Variants in GRIP2 observed in about 807,000 individuals in gnomAD.
GRIP2 encodes glutamate receptor-interacting protein 2.
GRIP2 carries 58 observed loss-of-function variants against 108.3 expected under a neutral mutation model. That is an observed-to-expected ratio of 0.54 (90% CI 0.43 to 0.67). The LOEUF is 0.67. Ranked by LOEUF, GRIP2 falls within the 30% of genes least tolerant of loss-of-function variation. The pLI, the probability that GRIP2 is intolerant of heterozygous loss-of-function variation, is 0.00. For synonymous variants in GRIP2, 586 were observed against 598.2 expected (o/e 0.98, Z 0.30); for missense variants, 1,278 against 1,430.6 (o/e 0.89, Z 1.72).
chr3:14,516,006 T>A (rs1290036485), intron 11 of GRIP2, among the ~76,000 whole-genome samples: 22 of 152,134 alleles, frequency 1.4e-4, no homozygotes, highest in Admixed American at 1.4e-3. Flanking sequence ...TTAATTATAA[T>A]TAATTAATAA....
chr3:14,496,154 A>T (rs1693593946), intron 22 of GRIP2, among the ~76,000 whole-genome samples: 1 of 152,194 alleles, frequency 6.6e-6, no homozygotes, highest in African/African-American at 2.4e-5. Flanking sequence ...CAAAAAAATA[A>T]ATACATAGAT....
At chr3:14,497,155 C>T (rs889638437) in intron 21 of GRIP2, among the ~76,000 whole-genome samples, 13 of 151,920 alleles carry the variant, frequency 8.6e-5, no homozygotes, top group African/African-American at 1.2e-4. Context: ...TTAGTACAGA[C>T]GAGGTTTCTC....
chr3:14,553,362 C>T (rs571049255), intron 1 of GRIP2, among the ~76,000 whole-genome samples: 11 of 152,170 alleles, frequency 7.2e-5, no homozygotes, highest in Non-Finnish European at 1.3e-4. Context: ...CCGCCCACCT[C>T]GGTCTCCCAA....
intron 1 of GRIP2, among the ~76,000 whole-genome samples, chr3:14,539,944 G>A (rs1250806256): frequency 6.6e-6 from 1 of 152,114 alleles, no homozygotes; most frequent in African/African-American, 2.4e-5. Flanking sequence ...CCTGAGATTG[G>A]GCAAAAGGCT....
intron 19 of GRIP2, 27 bp downstream of exon 19, chr3:14,506,774 A>G: frequency 6.4e-7 from 1 of 1,554,748 alleles, no homozygotes; most frequent in Non-Finnish European, 8.7e-7. Flanking sequence ...AGAGCGTGCC[A>G]CTTGTCCAAG....
chr3:14,537,510 A>C (rs1694861292), intron 1 of GRIP2, among the ~76,000 whole-genome samples: 1 of 152,268 alleles, frequency 6.6e-6, no homozygotes, highest in Admixed American at 6.5e-5. Flanking sequence ...GGCATGTAGT[A>C]CATGCTCAGC....
At chr3:14,537,763 C>T (rs1694868319) in intron 1 of GRIP2, among the ~76,000 whole-genome samples, 1 of 152,198 alleles carries the variant, frequency 6.6e-6, no homozygotes, top group Non-Finnish European at 1.5e-5. Context: ...CAGGGCACAG[C>T]AGGGGGACCT....
At chr3:14,551,875 C>A (rs1695155268) in intron 1 of GRIP2, among the ~76,000 whole-genome samples, 1 of 152,076 alleles carries the variant, frequency 6.6e-6, no homozygotes, top group Non-Finnish European at 1.5e-5. Flanking sequence ...TCCTCAACTG[C>A]AAATGGGGCA....
At chr3:14,556,818 G>A (rs549670466), upstream of GRIP2, among the ~76,000 whole-genome samples, 1 of 152,206 alleles carries the variant, frequency 6.6e-6, no homozygotes, top group African/African-American at 2.4e-5. Context: ...GGGCAGTGTT[G>A]CCCTAGGGGA....
chr3:14,583,416 C>T, the GRIP2 span, among the ~76,000 whole-genome samples: 1 of 152,184 alleles, frequency 6.6e-6, no homozygotes, highest in Non-Finnish European at 1.5e-5. Flanking sequence ...ACCCTTTTGA[C>T]AGCAACCTTG....
At chr3:14,509,198 C>A (rs981854090) in intron 17 of GRIP2, among the ~76,000 whole-genome samples, 3 of 152,230 alleles carry the variant, frequency 2.0e-5, no homozygotes, top group Non-Finnish European at 2.9e-5. Context: ...CCCCTGCAGC[C>A]CCCACCAGGC....
chr3:14,573,160 C>T, the GRIP2 span: 32 of 1,437,080 alleles, frequency 2.2e-5, no homozygotes, highest in South Asian at 3.3e-4. Flanking sequence ...AGCACCACAG[C>T]CAGCAGCTTG....
intron 1 of GRIP2, among the ~76,000 whole-genome samples, chr3:14,536,778 C>A (rs1201549456): frequency 6.6e-6 from 1 of 152,236 alleles, no homozygotes; most frequent in Non-Finnish European, 1.5e-5. Context: ...GGGTCACCCA[C>A]AGAACCATTC....
chr3:14,553,919 C>T (rs538673301), intron 1 of GRIP2, among the ~76,000 whole-genome samples: 3 of 152,278 alleles, frequency 2.0e-5, no homozygotes, highest in East Asian at 3.9e-4. Flanking sequence ...GAGCCTGGCT[C>T]AAGTCTCCGC....
At position 14,495,000 on chromosome 3, in the gene GRIP2, AAGG is replaced by A. The variant is rs199919317; in HGVS notation, c.2824-14_2824-12del. 2,012 of 1,550,558 alleles carry A rather than the reference AAGG, an allele frequency of 1.3e-3. 33 individuals carry two copies. In the Admixed American group the frequency reaches 0.031, roughly 24 times the overall value. Reference sequence around the variant, plus strand: ...CTTGTGCAGGGTCACCTGGAAGCAGAAGGAGGAGGAGGTTCCTGGAACTCTGAC... The same window carrying A: ...CTTGTGCAGGGTCACCTGGAAGCAGAAGGAGGAGGTTCCTGGAACTCTGAC... On this transcript the variant is annotated splice_polypyrimidine_tract_variant and intron_variant, in intron 22 of 23. Transcript: ENST00000621039.
chr3:14,514,102 G>A (rs1024822008), intron 12 of GRIP2, among the ~76,000 whole-genome samples, 190 bp downstream of exon 12: 3 of 152,268 alleles, frequency 2.0e-5, no homozygotes, highest in African/African-American at 4.8e-5. Flanking sequence ...GATTCCATGG[G>A]TGAGCTGTGT....
chr3:14,494,575 G>T (rs1359196496), intron 23 of GRIP2, among the ~76,000 whole-genome samples: 1 of 152,212 alleles, frequency 6.6e-6, no homozygotes, highest in Non-Finnish European at 1.5e-5. Flanking sequence ...GTCTCAGAGG[G>T]TCAATTCCAA....
chr3:14,552,863 G>T (rs1487205902), intron 1 of GRIP2, among the ~76,000 whole-genome samples: 1 of 151,974 alleles, frequency 6.6e-6, no homozygotes, highest in East Asian at 1.9e-4. Flanking sequence ...AAAGTTCTGG[G>T]ATTATAGGCG....
At chr3:14,574,053 T>C in the GRIP2 span, 7 of 1,503,096 alleles carry the variant, frequency 4.7e-6, no homozygotes, top group African/African-American at 9.6e-5. Context: ...GTTCTCCTGC[T>C]GCACGTACTT....
Sources: gnomAD v4.1 joint callset for allele counts (sites outside exome capture counted in the v4.1 genomes callset) on GRCh38, gnomAD v4.1.1 for gene constraint, MANE v1.5 for transcripts, NCBI Gene and HGNC (gene_info 2026-07-23, HGNC 2026-07-21) for gene names.